Variants in RPL26L1 observed in about 807,000 individuals in gnomAD.
RPL26L1 encodes the protein ribosomal protein uL24-like.
A neutral mutation model predicts 15.2 loss-of-function variants in RPL26L1; 8 were observed. The observed-to-expected ratio is 0.53, with a 90% CI of 0.31 to 0.95. The LOEUF (loss-of-function observed/expected upper bound fraction) is 0.95, where lower values mean the gene tolerates loss of function less well. Ranked by LOEUF, RPL26L1 falls within the 40% of genes least tolerant of loss-of-function variation. The pLI, the probability that RPL26L1 is intolerant of heterozygous loss-of-function variation, is 0.05. For synonymous variants in RPL26L1, 51 were observed against 65.9 expected, an observed-to-expected ratio of 0.77 and a Z score of 1.09; for missense variants, 146 against 190.9, an observed-to-expected ratio of 0.76 and a Z score of 1.39.
chr5:172,956,799 G>A (rs56835773), upstream of RPL26L1, among the ~76,000 whole-genome samples: 57,631 of 151,738 alleles, frequency 0.38, 12,401 homozygotes, highest in East Asian at 0.66. Context: ...TTAGCCAGGC[G>A]TGGTGGCATA....
intron 2 of RPL26L1, among the ~76,000 whole-genome samples, chr5:172,966,018 C>G (rs1178158343): frequency 6.6e-6 from 1 of 152,246 alleles, no homozygotes; most frequent in African/African-American, 2.4e-5. Context: ...ATCATCCTTC[C>G]CTCTTCATCC....
chr5:172,966,977 C>T lies in RPL26L1; in HGVS notation c.169-1482C>T, dbSNP rs535690741. ...TTCAAGTGATTCTCCTGCCTCAGCC[C>T]CCCGAGTAGCTGGGTCTACAGGCGC... On this transcript the variant is annotated intron_variant, in intron 2 of 3. Transcript: ENST00000265100. 7.1e-3 allele frequency among the ~76,000 whole-genome samples: 1,072 copies of T among 151,798 alleles called. 3 individuals are homozygous for T. The highest frequency in any genetic ancestry group is 0.012 in the Non-Finnish European group (800 of 67,908).
intron 1 of RPL26L1, 116 bp from the exon 2 acceptor site, chr5:172,959,749 A>G: frequency 7.8e-7 from 1 of 1,277,582 alleles, no homozygotes; most frequent in East Asian, 2.4e-5. Flanking sequence ...TTGCCTTTTC[A>G]GAGGCTACCT....
rs776736837 is a variant in RPL26L1 at position 172,960,040 on chromosome 5, A to G, written c.167A>G (p.Gln56Arg). 17 of 1,614,122 alleles carry G rather than the reference A, an allele frequency of 1.1e-5. No individual in the cohort carries two copies. In the Admixed American group the frequency reaches 2.7e-4, roughly 25 times the overall value. The change falls in exon 2 of 4, where the codon CAG becomes CGG. Residue 56 changes from glutamine (Q) to arginine (R), a missense_variant and splice_region_variant. Coordinates refer to ENST00000265100, the MANE Select transcript of RPL26L1 (RefSeq NM_016093.4). ...CCCATCCGCAAGGACGACGAGGTCC[A>G]GGTACGTCTCCCTCCGGCGCTAGTG... ...SMPIRKDDEV[Q>R]VVRGHYKGQQ...
rs1755232144 is a variant in RPL26L1, at chr5:172,961,447, T to G, written c.168+1406T>G. Among the ~76,000 whole-genome samples, 5 of 152,214 alleles carry G rather than the reference T, an allele frequency of 3.3e-5. No individual in the cohort carries two copies. In the South Asian group the frequency reaches 1.0e-3, roughly 32 times the overall value. ...GGGAAATGCAGGCCCATTGTTAGAT[T>G]CTTGGATTTTCAAAGAGAGCTGGAA... On this transcript the variant is annotated intron_variant, in intron 2 of 3. Coordinates refer to ENST00000265100, the MANE Select transcript of RPL26L1 (RefSeq NM_016093.4).
rs1423377649 is a variant in RPL26L1 at position 172,964,292 on chromosome 5, T to C, written c.169-4167T>C. On this transcript the variant is annotated intron_variant, in intron 2 of 3. Coordinates refer to ENST00000265100, the MANE Select transcript of RPL26L1 (RefSeq NM_016093.4). ...GTCTGGCCTGTTGCCTTTTTTTTTT[T>C]TTTTTTTTTTGAGACAGAGTTTCAC... is the stretch of plus-strand genomic sequence containing the variant. 6.6e-5 allele frequency among the ~76,000 whole-genome samples: 9 copies of C among 135,526 alleles called. No individual in the cohort carries two copies. In the South Asian group the frequency reaches 1.2e-3, roughly 19 times the overall value. 88.9% of individuals were successfully genotyped at this position (135,526 alleles called of 152,430 possible).
At chr5:172,966,458 G>T (rs540185481) in intron 2 of RPL26L1, among the ~76,000 whole-genome samples, 9 of 150,422 alleles carry the variant, frequency 6.0e-5, no homozygotes, top group Non-Finnish European at 1.2e-4. Flanking sequence ...CACCATGCCC[G>T]GCCTAAGATC....
intron 2 of RPL26L1, among the ~76,000 whole-genome samples, chr5:172,965,355 T>C (rs575548927): frequency 1.3e-5 from 2 of 152,334 alleles, no homozygotes; most frequent in African/African-American, 4.8e-5. Context: ...TTAAACACAA[T>C]CATGTTTTCC....
At chr5:172,962,705 A>G (rs1405094944) in intron 2 of RPL26L1, among the ~76,000 whole-genome samples, 5 of 149,230 alleles carry the variant, frequency 3.4e-5, no homozygotes, top group African/African-American at 9.9e-5. Context: ...AGTCCCAACT[A>G]CTTGGGAGGC....
Position 172,969,448 on chromosome 5 carries a change from G to A in RPL26L1, c.345G>A (p.Arg115=). ...CCAGGCTAAAACTGGACAAGGATCG[G>A]AAAAAAATTCTTGAACGCAAAGCCA... ...VITRLKLDKD[R]KKILERKAKS... Residue 115 remains arginine, a synonymous_variant, in exon 4 of 4, where the codon CGG becomes CGA. Coordinates refer to ENST00000265100, the MANE Select transcript of RPL26L1 (RefSeq NM_016093.4). 6.2e-7 allele frequency: 1 copy of A among 1,613,636 alleles called. No homozygotes were observed. Among genetic ancestry groups the A allele is most frequent in the Non-Finnish European group, 8.5e-7 (1 of 1,179,696 alleles).
chr5:172,954,208 A>G (rs1233370691), upstream of RPL26L1, among the ~76,000 whole-genome samples: 1 of 152,164 alleles, frequency 6.6e-6, no homozygotes, highest in Non-Finnish European at 1.5e-5. Flanking sequence ...GAGAGACTTG[A>G]TTAAGGTGAG....
upstream of RPL26L1, among the ~76,000 whole-genome samples, chr5:172,954,484 G>C (rs550486): frequency 6.6e-6 from 1 of 150,884 alleles, no homozygotes; most frequent in Non-Finnish European, 1.5e-5. Context: ...CAGGGGCGGC[G>C]GGGGGGAAGT....
At chr5:172,963,899 C>T (rs1372001675) in intron 2 of RPL26L1, among the ~76,000 whole-genome samples, 1 of 152,114 alleles carries the variant, frequency 6.6e-6, no homozygotes, top group African/African-American at 2.4e-5. Context: ...TCTATGTACT[C>T]ATTAACTGCT....
chr5:172,961,091 C>T (rs1327664844), intron 2 of RPL26L1, among the ~76,000 whole-genome samples: 3 of 152,152 alleles, frequency 2.0e-5, no homozygotes, highest in Admixed American at 2.0e-4. Flanking sequence ...CAGTTAAGAG[C>T]TATTGTCTTA....
upstream of RPL26L1, chr5:172,955,045 G>A (rs1272294016): frequency 2.2e-6 from 1 of 456,016 alleles, no homozygotes; most frequent in Admixed American, 2.4e-5. Flanking sequence ...CACTGGTTGG[G>A]GTGGGTGAAA....
chr5:172,959,590 T>C (rs1755138428), intron 1 of RPL26L1, 122 bp downstream of exon 1: 2 of 1,222,460 alleles, frequency 1.6e-6, no homozygotes, highest in Middle Eastern at 3.5e-4. Context: ...CGACCACCCA[T>C]TCCTGCCTAA....
upstream of RPL26L1, chr5:172,955,120 C>T (rs1053794185): frequency 1.1e-5 from 4 of 350,512 alleles, no homozygotes; most frequent in Non-Finnish European, 1.7e-5. Flanking sequence ...TAAATAGTAG[C>T]TGTGGTTAGT....
chr5:172,968,385 T>TC, intron 2 of RPL26L1, 74 bp from the exon 3 acceptor site: 1 of 1,570,308 alleles, frequency 6.4e-7, no homozygotes, highest in Non-Finnish European at 8.7e-7. Flanking sequence ...GCCCATGTGT[T>TC]CCTGATGGTT....
intron 2 of RPL26L1, 72 bp from the exon 3 acceptor site, chr5:172,968,387 C>T: frequency 1.3e-6 from 2 of 1,574,232 alleles, no homozygotes; most frequent in Non-Finnish European, 1.7e-6. Context: ...CCATGTGTTC[C>T]TGATGGTTAG....
Sources: gnomAD v4.1 joint callset for allele counts (sites outside exome capture counted in the v4.1 genomes callset) on GRCh38, gnomAD v4.1.1 for gene constraint, MANE v1.5 for transcripts, NCBI Gene and HGNC (gene_info 2026-07-23, HGNC 2026-07-21) for gene names.